PPP3CA: variants seen among roughly 807,000 people sequenced by gnomAD.
PPP3CA encodes CAM-PRP catalytic subunit.
Under a neutral mutation model 66.5 loss-of-function variants are expected in PPP3CA, and 14 were observed. The observed-to-expected ratio is 0.21, with a 90% CI of 0.14 to 0.33. PPP3CA has a LOEUF of 0.33. PPP3CA is among the 10% of genes least tolerant of loss of function. The probability of loss-of-function intolerance (pLI) is 1.00; values close to 1 mark genes in which losing one functional copy is unlikely to be tolerated. For synonymous variants in PPP3CA, 232 were observed against 226.2 expected (o/e 1.03, Z -0.23); for missense variants, 317 against 639.5 (o/e 0.50, Z 5.44).
chr4:101,179,582 T>C (rs887785553), intron 2 of PPP3CA, among the ~76,000 whole-genome samples: 1 of 152,094 alleles, frequency 6.6e-6, no homozygotes, highest in South Asian at 2.1e-4. Context: ...CTATCTGATG[T>C]TTAAAGAGGT....
At position 101,098,506 on chromosome 4, in the gene PPP3CA, AT is replaced by A; in HGVS notation, c.502del (p.Ile168Ter). 1 of 1,603,884 alleles carries A rather than the reference AT, an allele frequency of 6.2e-7. No homozygotes were observed. Among genetic ancestry groups the A allele is most frequent in the Non-Finnish European group, 8.5e-7 (1 of 1,174,944 alleles). On this transcript the variant is annotated frameshift_variant, in exon 5 of 14. Transcript: ENST00000394854. LOFTEE classifies it high-confidence loss of function. ...ATCATATACGCGTTCTGAATACTTT[AT>A]TTTACCTTTTAGAAGTGATTAAAAG... Reference protein sequence around the residue: ...EYFTFKQECKIKYSERVYDAC... With the variant: ...EYFTFKQECKXKYSERVYDAC...
intron 1 of PPP3CA, among the ~76,000 whole-genome samples, chr4:101,258,574 C>G (rs764380503): frequency 1.3e-5 from 2 of 152,168 alleles, no homozygotes; most frequent in Middle Eastern, 6.8e-3. Context: ...TAACACAAAA[C>G]CATAATCCTC....
In PPP3CA at chr4:101,061,406, A is replaced by G. The variant is rs1210892411; in HGVS notation, c.1082-245T>C. Among the ~76,000 whole-genome samples, 3 of 152,146 alleles carry G rather than the reference A, an allele frequency of 2.0e-5. No homozygotes were observed. The East Asian group carries it at 5.8e-4, about 29-fold the overall frequency. Reference sequence around the variant, plus strand: ...ATTTACTAGCTCTAGGTCAATAGACAATGACAAATCAAATATGTGGATGTG... The same window carrying G: ...ATTTACTAGCTCTAGGTCAATAGACGATGACAAATCAAATATGTGGATGTG... On this transcript the variant is annotated intron_variant, in intron 9 of 13. Transcript: ENST00000394854.
chr4:101,286,137 A>T (rs1727840764), intron 1 of PPP3CA, among the ~76,000 whole-genome samples: 1 of 152,118 alleles, frequency 6.6e-6, no homozygotes, highest in Non-Finnish European at 1.5e-5. Context: ...TACAGTTCAC[A>T]ATAGGGTTTG....
intron 1 of PPP3CA, among the ~76,000 whole-genome samples, chr4:101,237,061 A>T (rs1726153677): frequency 6.7e-6 from 1 of 150,080 alleles, no homozygotes; most frequent in Non-Finnish European, 1.5e-5. Flanking sequence ...GCACTTGGCA[A>T]CTAGATCATT....
chr4:101,100,019 G>T (rs767827362), intron 3 of PPP3CA, among the ~76,000 whole-genome samples: 16 of 151,278 alleles, frequency 1.1e-4, no homozygotes, highest in Non-Finnish European at 2.2e-4. Context: ...GAGGAGAGTG[G>T]GAGTTTAAAA....
At chr4:101,186,866 T>C (rs1012652373) in intron 2 of PPP3CA, among the ~76,000 whole-genome samples, 1 of 152,098 alleles carries the variant, frequency 6.6e-6, no homozygotes, top group East Asian at 1.9e-4. Flanking sequence ...GAATCAACAG[T>C]TGATGTAACA....
At chr4:101,245,412 C>A (rs948088810) in intron 1 of PPP3CA, among the ~76,000 whole-genome samples, 2 of 152,140 alleles carry the variant, frequency 1.3e-5, no homozygotes, top group African/African-American at 4.8e-5. Flanking sequence ...ATTCAGTCAC[C>A]ATATACTGTA....
chr4:101,067,887 T>A, intron 8 of PPP3CA, among the ~76,000 whole-genome samples: 1 of 151,840 alleles, frequency 6.6e-6, no homozygotes, highest in Non-Finnish European at 1.5e-5. Context: ...TGCTAACAAG[T>A]GGTATTAACC....
chr4:101,300,087 A>G (rs780162819), intron 1 of PPP3CA, among the ~76,000 whole-genome samples: 2 of 152,248 alleles, frequency 1.3e-5, no homozygotes, highest in African/African-American at 4.8e-5. Flanking sequence ...AAATAAGCAG[A>G]TAACAGACTA....
intron 1 of PPP3CA, 22 bp from the exon 2 acceptor site, chr4:101,196,138 TATTACATTAGCCAA>T: frequency 1.2e-6 from 2 of 1,608,016 alleles, no homozygotes; most frequent in South Asian, 2.2e-5. Context: ...AAGGTCTAAT[TATTACATTAGCCAA>T]AACTCAACAA....
chr4:101,240,556 G>A lies in PPP3CA; in HGVS notation c.59-44440C>T, dbSNP rs1726272574. On this transcript the variant is annotated intron_variant, in intron 1 of 13. Coordinates refer to ENST00000394854, the MANE Select transcript of PPP3CA (RefSeq NM_000944.5). ...TGGTCTTGGAATCTACAATGTGGGA[G>A]GCTGGGAAATCAGATACGCAAACAG... Among the ~76,000 whole-genome samples, 4 of 152,166 alleles carry A rather than the reference G, an allele frequency of 2.6e-5. No individual in the cohort carries two copies. In the South Asian group the frequency reaches 8.3e-4, roughly 32 times the overall value.
chr4:101,043,964 C>A (rs1233565212), intron 10 of PPP3CA, among the ~76,000 whole-genome samples: 2 of 152,114 alleles, frequency 1.3e-5, no homozygotes, highest in African/African-American at 4.8e-5. Flanking sequence ...AGTAAAATAA[C>A]CTGACCATGG....
At chr4:101,191,060 C>T (rs747712586) in intron 2 of PPP3CA, among the ~76,000 whole-genome samples, 9 of 152,144 alleles carry the variant, frequency 5.9e-5, no homozygotes, top group Non-Finnish European at 1.2e-4. Context: ...TCAGCTTACC[C>T]GCTATGAGAC....
chr4:101,205,313 T>C (rs1433453014), intron 1 of PPP3CA, among the ~76,000 whole-genome samples: 2 of 152,136 alleles, frequency 1.3e-5, no homozygotes, highest in African/African-American at 4.8e-5. Context: ...TCCAGGTACA[T>C]TTTTAAAAAT....
intron 13 of PPP3CA, among the ~76,000 whole-genome samples, chr4:101,026,433 C>A (rs1236057642): frequency 1.3e-5 from 2 of 152,208 alleles, no homozygotes; most frequent in African/African-American, 4.8e-5. Flanking sequence ...GCATCAAACA[C>A]CTTAACCTAG....
intron 2 of PPP3CA, among the ~76,000 whole-genome samples, chr4:101,129,014 C>T (rs1464246785): frequency 6.6e-6 from 1 of 152,116 alleles, no homozygotes; most frequent in Non-Finnish European, 1.5e-5. Context: ...ATTCTTGTTG[C>T]CAGGACAGCA....
chr4:101,179,316 T>C (rs538504868), intron 2 of PPP3CA, among the ~76,000 whole-genome samples: 5 of 152,172 alleles, frequency 3.3e-5, no homozygotes, highest in Admixed American at 1.3e-4. Flanking sequence ...TTGCCACCCT[T>C]TGGATACCAT....
chr4:101,293,323 T>C (rs890159553), intron 1 of PPP3CA, among the ~76,000 whole-genome samples: 8 of 152,130 alleles, frequency 5.3e-5, no homozygotes, highest in Admixed American at 4.6e-4. Context: ...ATAACACAAT[T>C]TGGGCAGCCA....
Sources: allele counts gnomAD v4.1 joint callset (sites outside exome capture counted in the v4.1 genomes callset), GRCh38; gene constraint gnomAD v4.1.1; transcripts MANE v1.5; gene names NCBI Gene and HGNC (gene_info 2026-07-23, HGNC 2026-07-21).